Variants in ADAMTSL1 observed in about 807,000 individuals in gnomAD.
ADAMTSL1 encodes the protein ADAMTS-like protein 1.
ADAMTSL1 carries 126 observed loss-of-function variants against 201.8 expected under a neutral mutation model. That is an observed-to-expected ratio of 0.62 (90% CI 0.54 to 0.72). The LOEUF (loss-of-function observed/expected upper bound fraction) is 0.72. ADAMTSL1 is among the 30% of genes least tolerant of loss of function. The pLI is 0.00. For missense variants in ADAMTSL1, 2,679 were observed against 2,277.8 expected (o/e 1.18, Z -3.59); for synonymous variants, 1,121 against 903.4 (o/e 1.24, Z -4.32).
intron 1 of ADAMTSL1, among the ~76,000 whole-genome samples, chr9:17,936,950 C>T (rs1827035100): frequency 6.6e-6 from 1 of 152,092 alleles, no homozygotes; most frequent in Non-Finnish European, 1.5e-5. Context: ...AGGGGTTTCC[C>T]ATGGACATGG....
At chr9:18,188,940 C>T (rs1005429648) in intron 2 of ADAMTSL1, among the ~76,000 whole-genome samples, 1 of 152,144 alleles carries the variant, frequency 6.6e-6, no homozygotes, top group African/African-American at 2.4e-5. Flanking sequence ...GAAACTGAGG[C>T]TTGGGAAGGT....
intron 2 of ADAMTSL1, among the ~76,000 whole-genome samples, chr9:18,373,056 C>A (rs1265591711): frequency 6.6e-6 from 1 of 152,124 alleles, no homozygotes; most frequent in Admixed American, 6.5e-5. Context: ...GAATCCCTTA[C>A]CTTTTGGAAC....
rs1235665960 is a variant in ADAMTSL1 at position 18,254,674 on chromosome 9, C to G, written c.207+90693C>G. On this transcript the variant is annotated intron_variant, in intron 2 of 29. Coordinates refer to the ADAMTSL1 transcript ENST00000680146. Reference sequence around the variant, plus strand: ...CACCGCGCCTGCCCCCCCGCCCCCCCCAGTACTCTTAAATACACTTTGCAG... The same window carrying G: ...CACCGCGCCTGCCCCCCCGCCCCCCGCAGTACTCTTAAATACACTTTGCAG... Among the ~76,000 whole-genome samples the G allele has an allele frequency of 7.9e-5, 11 of 138,630 alleles. 1 individual carries two copies. The highest frequency in any genetic ancestry group is 5.4e-4 in the South Asian group (2 of 3,728). 90.9% of individuals were successfully genotyped at this position (138,630 alleles called of 152,430 possible). A position where few individuals can be genotyped will look rare whatever the true frequency, so the allele number is the denominator to read the frequency against.
intron 15 of ADAMTSL1, among the ~76,000 whole-genome samples, chr9:18,738,454 G>A (rs879886456): frequency 4.6e-5 from 7 of 152,146 alleles, no homozygotes; most frequent in African/African-American, 7.2e-5. Context: ...TAGAGTTTGA[G>A]GATTTTTCTA....
intron 7 of ADAMTSL1, among the ~76,000 whole-genome samples, chr9:18,644,957 C>G (rs892039221): frequency 6.6e-6 from 1 of 151,786 alleles, no homozygotes; most frequent in Admixed American, 6.6e-5. Flanking sequence ...CCTGAGGAAT[C>G]GCCACACTGA....
At position 18,657,335 on chromosome 9, in the gene ADAMTSL1, A is replaced by G. The variant is rs75694581; in HGVS notation, c.835-304A>G. Among the ~76,000 whole-genome samples the G allele has an allele frequency of 4.6e-5, 7 of 152,368 alleles. No homozygotes were observed. In the East Asian group the frequency reaches 1.4e-3, roughly 29 times the overall value. On this transcript the variant is annotated intron_variant, in intron 7 of 28. Coordinates refer to ENST00000380548, the MANE Select transcript of ADAMTSL1 (RefSeq NM_001040272.6). ...ATCTATTATACCAAAGAGGTTGGAA[A>G]TAAAGGACGGAAAGGGAATACAGGC... is the stretch of plus-strand genomic sequence containing the variant.
chr9:18,460,025 C>T (rs999740264), intron 2 of ADAMTSL1, among the ~76,000 whole-genome samples: 6 of 152,066 alleles, frequency 3.9e-5, no homozygotes, highest in African/African-American at 1.4e-4. Context: ...GACATAGTAA[C>T]AGGAAAACCT....
At chr9:18,144,955 G>A (rs1166172031) in intron 1 of ADAMTSL1, among the ~76,000 whole-genome samples, 1 of 152,176 alleles carries the variant, frequency 6.6e-6, no homozygotes, top group African/African-American at 2.4e-5. Flanking sequence ...AGGTCAGCAG[G>A]CTGCCTCATA....
chr9:18,607,128 C>G (rs1564085267), intron 4 of ADAMTSL1, among the ~76,000 whole-genome samples: 1 of 152,176 alleles, frequency 6.6e-6, no homozygotes, highest in South Asian at 2.1e-4. Flanking sequence ...AACTCAATGC[C>G]TAAATGTTGT....
At chr9:18,466,892 T>G (rs1367640381) in intron 2 of ADAMTSL1, among the ~76,000 whole-genome samples, 1 of 152,176 alleles carries the variant, frequency 6.6e-6, no homozygotes, top group Non-Finnish European at 1.5e-5. Flanking sequence ...TTTCCGTGGT[T>G]TAATTGCTGC....
intron 26 of ADAMTSL1, among the ~76,000 whole-genome samples, chr9:18,898,475 G>C (rs907666077): frequency 6.6e-6 from 1 of 152,180 alleles, no homozygotes; most frequent in Non-Finnish European, 1.5e-5. Flanking sequence ...AGAGAAAAAA[G>C]AATGGAAAGG....
At chr9:18,862,253 C>T (rs900880502) in intron 23 of ADAMTSL1, among the ~76,000 whole-genome samples, 12 of 152,062 alleles carry the variant, frequency 7.9e-5, no homozygotes, top group African/African-American at 2.4e-4. Context: ...GGGTAAAGGG[C>T]GTTATTTCTT....
intron 3 of ADAMTSL1, among the ~76,000 whole-genome samples, chr9:18,548,801 AATAG>A (rs1039203032): frequency 8.6e-5 from 13 of 152,036 alleles, no homozygotes; most frequent in East Asian, 1.9e-4. Context: ...TAAAGCATTA[AATAG>A]ATAGATGAAG....
intron 2 of ADAMTSL1, among the ~76,000 whole-genome samples, chr9:18,339,734 C>T (rs1271939920): frequency 2.6e-5 from 4 of 152,140 alleles, no homozygotes; most frequent in African/African-American, 9.7e-5. Context: ...GCCACTGCTT[C>T]AGGTCTGATT....
intron 2 of ADAMTSL1, among the ~76,000 whole-genome samples, chr9:18,408,115 CAT>C (rs1413414423): frequency 6.6e-6 from 1 of 151,982 alleles, no homozygotes; most frequent in Non-Finnish European, 1.5e-5. Flanking sequence ...ATTTTAGAAA[CAT>C]AGATAATTTT....
At chr9:18,056,421 C>G (rs1280860593) in intron 1 of ADAMTSL1, among the ~76,000 whole-genome samples, 1 of 152,102 alleles carries the variant, frequency 6.6e-6, no homozygotes, top group Non-Finnish European at 1.5e-5. Flanking sequence ...GGGCTCTGCA[C>G]AGCAGCAGCT....
At chr9:18,856,770 T>A (rs1289828771) in intron 23 of ADAMTSL1, among the ~76,000 whole-genome samples, 1 of 152,224 alleles carries the variant, frequency 6.6e-6, no homozygotes, top group African/African-American at 2.4e-5. Flanking sequence ...AGAAGGATTT[T>A]TTTTTAATTT....
At chr9:18,843,501 C>A (rs1266209046) in intron 23 of ADAMTSL1, among the ~76,000 whole-genome samples, 1 of 150,630 alleles carries the variant, frequency 6.6e-6, no homozygotes. Context: ...GTGAATCTGA[C>A]AATTATGTGT....
chr9:18,446,786 A>G (rs1442565942), intron 2 of ADAMTSL1, among the ~76,000 whole-genome samples: 1 of 152,206 alleles, frequency 6.6e-6, no homozygotes, highest in African/African-American at 2.4e-5. Context: ...ACTTTCGGGT[A>G]ATAGTGCTTG....
Sources: gnomAD v4.1 joint callset for allele counts (sites outside exome capture counted in the v4.1 genomes callset) on GRCh38, gnomAD v4.1.1 for gene constraint, MANE v1.5 for transcripts, NCBI Gene and HGNC (gene_info 2026-07-23, HGNC 2026-07-21) for gene names.